Variants in SPARC observed in about 807,000 individuals in gnomAD.
SPARC encodes the protein basement-membrane protein 40.
Under a neutral mutation model 37.7 loss-of-function variants are expected in SPARC, and 23 were observed. The observed-to-expected ratio is 0.61, with a 90% confidence interval of 0.44 to 0.87. The LOEUF (loss-of-function observed/expected upper bound fraction) is 0.87, where lower values mean the gene tolerates loss of function less well. Among genes scored for constraint, SPARC ranks in the 40% least tolerant of loss-of-function variants. The pLI, the probability that SPARC is intolerant of heterozygous loss-of-function variation, is 0.00. For missense variants in SPARC, 312 were observed against 389.0 expected (o/e 0.80, Z 1.66); for synonymous variants, 155 against 150.8 (o/e 1.03, Z -0.20).
chr5:151,671,849 TCA>T, intron 4 of SPARC, 155 bp from the exon 5 acceptor site: 2 of 889,654 alleles, frequency 2.2e-6, no homozygotes, highest in Non-Finnish European at 1.7e-6. Flanking sequence ...GCACTGAGCC[TCA>T]CAGTCAACAT....
chr5:151,682,738 A>C (rs1761024895), intron 1 of SPARC, among the ~76,000 whole-genome samples: 1 of 152,226 alleles, frequency 6.6e-6, no homozygotes, highest in Admixed American at 6.5e-5. Context: ...CTGGTGTCTA[A>C]GCCAAATTTC....
intron 1 of SPARC, among the ~76,000 whole-genome samples, chr5:151,680,216 C>CTTTTTTTT (rs58021431): frequency 0.017 from 1,047 of 61,990 alleles, 234 homozygotes; most frequent in African/African-American, 0.036. Context: ...TGGAAAACAT[C>CTTTTTTTT]TTTTTTTTTT....
In SPARC at chr5:151,661,657, C is replaced by A. The variant is rs1339231421; in HGVS notation, c.*1914G>T. On this transcript the variant is annotated 3_prime_UTR_variant, in exon 10 of 10. Transcript: ENST00000231061. The stretch of plus-strand genomic sequence containing the variant: ...ACATGCATGAGCTTTGAAAAGTGCT[C>A]TGTAGTCTTATGATGATCTAGAAGA... 2.0e-5 allele frequency: 3 copies of A among 152,122 alleles called. No homozygotes were observed. The highest frequency in any genetic ancestry group is 7.2e-5 in the African/African-American group (3 of 41,412). The allele number at this position is 152,122 out of a possible 1,614,324, so 9.4% of individuals were successfully genotyped here. A position where few individuals can be genotyped will look rare whatever the true frequency, so the allele number is the denominator to read the frequency against.
At chr5:151,671,847 C>A (rs761022637) in intron 4 of SPARC, 153 bp from the exon 5 acceptor site, 141 of 907,262 alleles carry the variant, frequency 1.6e-4, no homozygotes, top group Non-Finnish European at 1.9e-4. Flanking sequence ...TTGCACTGAG[C>A]CTCACAGTCA....
intron 7 of SPARC, 31 bp from the exon 8 acceptor site, chr5:151,666,540 G>C (rs367580475): frequency 3.1e-6 from 5 of 1,606,042 alleles, no homozygotes; most frequent in Non-Finnish European, 3.4e-6. Context: ...TGTGACAAGA[G>C]GTCCATGGAG....
intron 3 of SPARC, 84 bp downstream of exon 3, chr5:151,674,528 G>T: frequency 7.8e-7 from 1 of 1,288,132 alleles, no homozygotes; most frequent in Non-Finnish European, 1.1e-6. Context: ...CTCTAGCATT[G>T]AGACCCACAG....
chr5:151,682,737 A>G (rs191475389), intron 1 of SPARC, among the ~76,000 whole-genome samples: 143 of 152,342 alleles, frequency 9.4e-4, no homozygotes, highest in Middle Eastern at 3.4e-3. Context: ...GCTGGTGTCT[A>G]AGCCAAATTT....
At chr5:151,677,972 G>T (rs1295707048) in intron 1 of SPARC, among the ~76,000 whole-genome samples, 2 of 152,090 alleles carry the variant, frequency 1.3e-5, no homozygotes, top group Non-Finnish European at 2.9e-5. Context: ...TGTTCCCCAG[G>T]CTTAAGTGGA....
chr5:151,673,966 C>CTGTGTGTGTGTGTG (rs3138755), intron 3 of SPARC, among the ~76,000 whole-genome samples: 4 of 141,754 alleles, frequency 2.8e-5, no homozygotes, highest in Admixed American at 7.1e-5. Flanking sequence ...CCCCTTTCCT[C>CTGTGTGTGTGTGTG]TGTGTGTGTG....
At chr5:151,674,315 C>T (rs1160505658) in intron 3 of SPARC, among the ~76,000 whole-genome samples, 1 of 152,102 alleles carries the variant, frequency 6.6e-6, no homozygotes, top group Non-Finnish European at 1.5e-5. Context: ...CACCCGGCCT[C>T]CTCTGTTTTA....
chr5:151,668,122 T>C (rs1760669361), intron 6 of SPARC, among the ~76,000 whole-genome samples: 2 of 151,780 alleles, frequency 1.3e-5, no homozygotes, highest in South Asian at 4.2e-4. Flanking sequence ...TCCACACTTT[T>C]CTTTTCCTTT....
At chr5:151,665,590 C>G (rs1760603370) in intron 8 of SPARC, among the ~76,000 whole-genome samples, 1 of 152,208 alleles carries the variant, frequency 6.6e-6, no homozygotes, top group Non-Finnish European at 1.5e-5. Context: ...AAAAACCACT[C>G]TGGGAAGGTG....
chr5:151,674,507 C>T (rs1205190193), intron 3 of SPARC, 105 bp downstream of exon 3: 10 of 993,512 alleles, frequency 1.0e-5, no homozygotes, highest in Admixed American at 3.6e-5. Context: ...TACAGGGAGA[C>T]GAATGCCCCA....
rs965624399 is a variant in SPARC, at chr5:151,675,997, T to G, written c.57+135A>C. On this transcript the variant is annotated intron_variant, in intron 2 of 9. Coordinates refer to ENST00000231061, the MANE Select transcript of SPARC (RefSeq NM_003118.4). ...AGTTTTTATCCCGAGCTTCCTAACT[T>G]AAGAAAAAAAAAAGACCACTAACTT... is the stretch of plus-strand genomic sequence containing the variant. 58 of 660,400 alleles carry G rather than the reference T, an allele frequency of 8.8e-5. No individual in the cohort carries two copies. In the African/African-American group the frequency reaches 8.9e-4, roughly 10 times the overall value. 40.9% of individuals were successfully genotyped at this position (660,400 alleles called of 1,614,324 possible). A position where few individuals can be genotyped will look rare whatever the true frequency, so the allele number is the denominator to read the frequency against.
At chr5:151,674,802 G>T (rs1264996249) in intron 2 of SPARC, 128 bp from the exon 3 acceptor site, 1 of 818,414 alleles carries the variant, frequency 1.2e-6, no homozygotes, top group Non-Finnish European at 2.0e-6. Context: ...CCCCAAAGTT[G>T]TGCCTCATGG....
rs1414509378 is a variant in SPARC at position 151,662,025 on chromosome 5, A to T, written c.*1546T>A. On this transcript the variant is annotated 3_prime_UTR_variant, in exon 10 of 10. Coordinates refer to ENST00000231061, the MANE Select transcript of SPARC (RefSeq NM_003118.4). Reference sequence around the variant, plus strand: ...TATTCCTCCTGGACTCTAAGCTCCAAATGAACAAATGCTTTGTCTACTTTG... The same window carrying T: ...TATTCCTCCTGGACTCTAAGCTCCATATGAACAAATGCTTTGTCTACTTTG... 6.6e-6 allele frequency: 1 copy of T among 152,390 alleles called. No homozygotes were observed. Among genetic ancestry groups the T allele is most frequent in the Non-Finnish European group, 1.5e-5 (1 of 68,042 alleles). 9.4% of individuals were successfully genotyped at this position (152,390 alleles called of 1,614,324 possible).
intron 1 of SPARC, among the ~76,000 whole-genome samples, chr5:151,683,445 G>A (rs1420433833): frequency 2.0e-5 from 3 of 152,202 alleles, no homozygotes; most frequent in Non-Finnish European, 4.4e-5. Context: ...CTCCAAACAC[G>A]TGGAAGTTTG....
intron 6 of SPARC, among the ~76,000 whole-genome samples, chr5:151,669,059 G>A (rs140829856): frequency 1.2e-4 from 19 of 152,248 alleles, no homozygotes; most frequent in African/African-American, 4.6e-4. Flanking sequence ...GTTTGCAGCT[G>A]GGGTCACTAA....
At chr5:151,672,205 T>A (rs748762421) in intron 4 of SPARC, among the ~76,000 whole-genome samples, 1 of 152,148 alleles carries the variant, frequency 6.6e-6, no homozygotes, top group Non-Finnish European at 1.5e-5. Flanking sequence ...AAACACCGGA[T>A]GAGGTGGGCG....
Sources: allele counts gnomAD v4.1 joint callset (sites outside exome capture counted in the v4.1 genomes callset), GRCh38; gene constraint gnomAD v4.1.1; transcripts MANE v1.5; gene names NCBI Gene and HGNC (gene_info 2026-07-23, HGNC 2026-07-21).